The following NRG1 variants were observed in gnomAD, a reference collection of about 807,000 sequenced individuals.
NRG1 encodes neuregulin 1.
In NRG1, 18 loss-of-function variants were observed where a neutral mutation model predicts 63.8. The ratio of observed to expected loss-of-function variants is 0.28; its 90% CI spans 0.19 to 0.42. NRG1 has a LOEUF of 0.42. NRG1 is among the 10% of genes least tolerant of loss of function. NRG1 has a pLI of 1.00. For synonymous variants in NRG1, 302 were observed against 301.3 expected, an observed-to-expected ratio of 1.00 and a Z score of -0.02; for missense variants, 762 against 814.7, an observed-to-expected ratio of 0.94 and a Z score of 0.79.
intron 1 of NRG1, among the ~76,000 whole-genome samples, chr8:32,578,468 TC>T (rs746936846): frequency 6.1e-4 from 52 of 85,706 alleles, no homozygotes; most frequent in Non-Finnish European, 1.2e-3. Flanking sequence ...TTCTCTGTCC[TC>T]CTTTTTTTTT....
At chr8:32,592,347 T>C (rs1842678024) in intron 1 of NRG1, among the ~76,000 whole-genome samples, 1 of 152,120 alleles carries the variant, frequency 6.6e-6, no homozygotes, top group African/African-American at 2.4e-5. Context: ...TAATATCCTA[T>C]ACAGCTCTTT....
intron 1 of NRG1, among the ~76,000 whole-genome samples, chr8:32,412,430 A>ATATATATG (rs1815149349): frequency 2.6e-5 from 1 of 39,138 alleles, no homozygotes; most frequent in African/African-American, 7.0e-5. Context: ...CTACATATAT[A>ATATATATG]TATATATATA....
At chr8:32,640,538 A>G (rs747760939) in intron 5 of NRG1, among the ~76,000 whole-genome samples, 1 of 151,822 alleles carries the variant, frequency 6.6e-6, no homozygotes, top group South Asian at 2.1e-4. Context: ...GAAAACACAG[A>G]TAATACAGGA....
chr8:31,924,694 T>C (rs1263809014), intron 1 of NRG1, among the ~76,000 whole-genome samples: 1 of 151,780 alleles, frequency 6.6e-6, no homozygotes, highest in Non-Finnish European at 1.5e-5. Context: ...AATTAGAGTA[T>C]AGATTATTGA....
At chr8:31,829,276 A>G (rs1824877193) in intron 1 of NRG1, among the ~76,000 whole-genome samples, 1 of 152,228 alleles carries the variant, frequency 6.6e-6, no homozygotes. Context: ...AAACTCCCCA[A>G]GAGAGATTCA....
intron 1 of NRG1, among the ~76,000 whole-genome samples, chr8:32,337,530 A>C (rs1475253633): frequency 6.6e-6 from 1 of 151,796 alleles, no homozygotes; most frequent in Non-Finnish European, 1.5e-5. Flanking sequence ...TTGAATGGGG[A>C]CCACATACAT....
At chr8:32,255,183 C>A (rs1849555072) in intron 1 of NRG1, among the ~76,000 whole-genome samples, 2 of 152,126 alleles carry the variant, frequency 1.3e-5, no homozygotes, top group African/African-American at 4.8e-5. Flanking sequence ...GGCATTTAGC[C>A]CATTTACATT....
At chr8:31,678,561 A>G (rs1022559356) in intron 1 of NRG1, among the ~76,000 whole-genome samples, 2 of 151,608 alleles carry the variant, frequency 1.3e-5, no homozygotes, top group African/African-American at 2.4e-5. Context: ...CTTTTTCCAT[A>G]TATATTTTTT....
intron 1 of NRG1, among the ~76,000 whole-genome samples, chr8:32,561,991 G>A (rs1219827073): frequency 6.6e-6 from 1 of 152,034 alleles, no homozygotes; most frequent in African/African-American, 2.4e-5. Flanking sequence ...TTCTGGTCTG[G>A]GCCTCACATG....
intron 1 of NRG1, among the ~76,000 whole-genome samples, chr8:32,049,750 A>G (rs10954822): frequency 0.11 from 16,505 of 152,136 alleles, 1,621 homozygotes; most frequent in East Asian, 0.55. Context: ...AACCTTTGCT[A>G]ATGAAAGGGA....
intron 5 of NRG1, among the ~76,000 whole-genome samples, chr8:32,655,784 G>T (rs549183908): frequency 2.6e-5 from 4 of 152,266 alleles, no homozygotes; most frequent in South Asian, 4.1e-4. Flanking sequence ...TAGGGAAAGC[G>T]ATAAGGAGTT....
At chr8:32,056,932 C>A (rs1002013060) in intron 1 of NRG1, among the ~76,000 whole-genome samples, 6 of 152,110 alleles carry the variant, frequency 3.9e-5, no homozygotes, top group African/African-American at 1.4e-4. Flanking sequence ...AATGCAGGTA[C>A]TTTTTAGCAT....
intron 1 of NRG1, among the ~76,000 whole-genome samples, chr8:32,579,022 A>G (rs1166214514): frequency 6.6e-6 from 1 of 152,168 alleles, no homozygotes; most frequent in African/African-American, 2.4e-5. Context: ...TATTTTTATC[A>G]GCAAAGACAA....
chr8:31,746,481 A>G (rs1480784772), intron 1 of NRG1, among the ~76,000 whole-genome samples: 1 of 151,976 alleles, frequency 6.6e-6, no homozygotes, highest in Non-Finnish European at 1.5e-5. Flanking sequence ...GATGCAAAGG[A>G]GTTAAAGATG....
chr8:32,117,868 G>T (rs1171659331), intron 1 of NRG1, among the ~76,000 whole-genome samples: 2 of 152,042 alleles, frequency 1.3e-5, no homozygotes, highest in Non-Finnish European at 2.9e-5. Context: ...GAAAAAAAGT[G>T]CCATGGTCTA....
chr8:32,252,227 T>G (rs191364894), intron 1 of NRG1, among the ~76,000 whole-genome samples: 2 of 152,190 alleles, frequency 1.3e-5, no homozygotes, highest in Non-Finnish European at 1.5e-5. Context: ...ATTTTGGATT[T>G]TGTTGCCATT....
intron 1 of NRG1, among the ~76,000 whole-genome samples, chr8:31,803,859 T>C (rs1822027868): frequency 6.6e-6 from 1 of 152,142 alleles, no homozygotes; most frequent in Non-Finnish European, 1.5e-5. Flanking sequence ...GCCTCCTTTC[T>C]TTTCCCCAAA....
chr8:32,141,263 C>T (rs887484645), intron 1 of NRG1, among the ~76,000 whole-genome samples: 4 of 151,810 alleles, frequency 2.6e-5, no homozygotes, highest in African/African-American at 7.3e-5. Context: ...TGCTAAGGGG[C>T]GATAAAGTAG....
chr8:32,605,181 T>C (rs1003558029), intron 2 of NRG1, among the ~76,000 whole-genome samples: 4 of 152,214 alleles, frequency 2.6e-5, no homozygotes, highest in Admixed American at 6.5e-5. Flanking sequence ...CATTTTTCTC[T>C]TCCTAAACCC....
Sources: allele counts gnomAD v4.1 joint callset (sites outside exome capture counted in the v4.1 genomes callset), GRCh38; gene constraint gnomAD v4.1.1; transcripts MANE v1.5; gene names NCBI Gene and HGNC (gene_info 2026-07-23, HGNC 2026-07-21).